The following ZDHHC17 variants were observed in gnomAD, a reference collection of about 807,000 sequenced individuals.
ZDHHC17 encodes zDHHC palmitoyltransferase 17.
A neutral mutation model predicts 90.3 loss-of-function variants in ZDHHC17; 40 were observed. The ratio of observed to expected loss-of-function variants is 0.44; its 90% CI spans 0.34 to 0.58. ZDHHC17 has a LOEUF of 0.58. Ranked by LOEUF, ZDHHC17 falls within the 20% of genes least tolerant of loss-of-function variation. The pLI is 0.01. For synonymous variants in ZDHHC17, 235 were observed against 252.4 expected (o/e 0.93, Z 0.65); for missense variants, 614 against 780.8 (o/e 0.79, Z 2.55).
intron 1 of ZDHHC17, among the ~76,000 whole-genome samples, chr12:76,787,392 G>A (rs1952700100): frequency 6.6e-6 from 1 of 152,024 alleles, no homozygotes; most frequent in Non-Finnish European, 1.5e-5. Flanking sequence ...CCAATCAAGT[G>A]GGCATTTTTA....
chr12:76,826,923 G>T lies in ZDHHC17; in HGVS notation c.913G>T (p.Val305Leu), dbSNP rs769845739. ...LKADKEFRQKVMLGTPFLVIW... is the reference protein window; with the variant it reads ...LKADKEFRQKLMLGTPFLVIW... The stretch of plus-strand genomic sequence containing the variant: ...TTCTATACAGGAATTTCGGCAGAAA[G>T]TAATGTTAGGAACTCCTTTCCTAGT... The change falls in exon 9 of 17, where the codon GTA becomes TTA. Residue 305 changes from valine (V) to leucine (L), a missense_variant. Coordinates refer to ENST00000426126, the MANE Select transcript of ZDHHC17 (RefSeq NM_015336.4). 2 of 1,510,952 alleles carry T rather than the reference G, an allele frequency of 1.3e-6. No individual in the cohort carries two copies. The highest frequency in any genetic ancestry group is 5.3e-5 in the East Asian group (2 of 38,020). 93.6% of individuals were successfully genotyped at this position (1,510,952 alleles called of 1,614,324 possible). A position where few individuals can be genotyped will look rare whatever the true frequency, so the allele number is the denominator to read the frequency against.
chr12:76,820,091 C>T (rs532753234), intron 7 of ZDHHC17, among the ~76,000 whole-genome samples: 1 of 151,908 alleles, frequency 6.6e-6, no homozygotes, highest in South Asian at 2.1e-4. Context: ...GCTGTATACC[C>T]TAGGTTTTTT....
chr12:76,808,651 G>C (rs986218728), intron 3 of ZDHHC17, among the ~76,000 whole-genome samples: 2 of 152,114 alleles, frequency 1.3e-5, no homozygotes, highest in Admixed American at 6.5e-5. Flanking sequence ...GTAATCTTAA[G>C]GAAAGTAAGG....
chr12:76,781,770 A>C (rs1288468326), intron 1 of ZDHHC17: 1 of 438,584 alleles, frequency 2.3e-6, no homozygotes, highest in Non-Finnish European at 4.6e-6. Context: ...CAGTAGGAGA[A>C]TATATCTGGC....
chr12:76,838,250 A>G (rs1231622750), intron 10 of ZDHHC17, among the ~76,000 whole-genome samples: 9 of 151,898 alleles, frequency 5.9e-5, no homozygotes, highest in Admixed American at 5.3e-4. Flanking sequence ...TGCTTTCCAT[A>G]CTGGGTTATT....
intron 10 of ZDHHC17, among the ~76,000 whole-genome samples, chr12:76,833,306 G>C (rs1029865413): frequency 6.6e-6 from 1 of 152,216 alleles, no homozygotes; most frequent in African/African-American, 2.4e-5. Context: ...GAAAGACTGA[G>C]GCTCTGAGAA....
intron 1 of ZDHHC17, among the ~76,000 whole-genome samples, chr12:76,777,824 T>C (rs1001314719): frequency 6.6e-6 from 1 of 152,068 alleles, no homozygotes; most frequent in South Asian, 2.1e-4. Context: ...CTGAGTTAGG[T>C]TTGTGCGTGT....
At chr12:76,823,370 T>A (rs1403909951) in intron 8 of ZDHHC17, among the ~76,000 whole-genome samples, 1 of 152,254 alleles carries the variant, frequency 6.6e-6, no homozygotes, top group Non-Finnish European at 1.5e-5. Context: ...TCCATATACC[T>A]TCAGTTTTAA....
intron 1 of ZDHHC17, among the ~76,000 whole-genome samples, chr12:76,774,905 C>T (rs765176653): frequency 2.0e-5 from 3 of 152,210 alleles, no homozygotes; most frequent in African/African-American, 4.8e-5. Flanking sequence ...CATGTGGCAT[C>T]TTTGTGATTA....
At chr12:76,824,611 A>C (rs1250153450) in intron 8 of ZDHHC17, among the ~76,000 whole-genome samples, 2 of 152,170 alleles carry the variant, frequency 1.3e-5, no homozygotes, top group Non-Finnish European at 2.9e-5. Flanking sequence ...TTAAAAAGTC[A>C]TTCCCTTAAG....
chr12:76,789,782 A>C (rs1185683201), intron 1 of ZDHHC17, among the ~76,000 whole-genome samples: 3 of 152,214 alleles, frequency 2.0e-5, no homozygotes, highest in African/African-American at 7.2e-5. Context: ...TAATGAGAAA[A>C]ACGTCAAAGA....
intron 9 of ZDHHC17, among the ~76,000 whole-genome samples, chr12:76,827,675 A>G (rs766759383): frequency 1.3e-5 from 2 of 152,056 alleles, no homozygotes; most frequent in African/African-American, 2.4e-5. Context: ...CTTGCATTTC[A>G]GAAAAGAATT....
At chr12:76,779,941 ATTG>A (rs1047487754) in intron 1 of ZDHHC17, among the ~76,000 whole-genome samples, 10 of 151,242 alleles carry the variant, frequency 6.6e-5, no homozygotes. Context: ...TTGCTTTTAC[ATTG>A]TTGTAAAAAA....
intron 2 of ZDHHC17, among the ~76,000 whole-genome samples, chr12:76,803,287 T>C (rs765637097): frequency 6.6e-6 from 1 of 152,148 alleles, no homozygotes; most frequent in Non-Finnish European, 1.5e-5. Context: ...AGATATTTAT[T>C]ATAAAATAGG....
chr12:76,769,962 C>T (rs571630335), intron 1 of ZDHHC17, among the ~76,000 whole-genome samples: 2 of 152,050 alleles, frequency 1.3e-5, no homozygotes. Context: ...TAAGAGTGGA[C>T]TGTGGAGTTG....
intron 10 of ZDHHC17, chr12:76,840,876 C>G (rs768250188): frequency 6.6e-6 from 1 of 152,102 alleles, no homozygotes; most frequent in Admixed American, 6.6e-5. Flanking sequence ...TTACATGTTA[C>G]GTTGGCACCT....
Position 76,801,341 on chromosome 12 carries a change from T to G in ZDHHC17, c.197+3804T>G, listed in dbSNP as rs562182305. ...TATAGCTACTTTTCTTTGCGGATAC[T>G]ATGGATATTACATTTAACATCCTAA... is the stretch of plus-strand genomic sequence containing the variant. On this transcript the variant is annotated intron_variant, in intron 2 of 16. Transcript: ENST00000426126. Among the ~76,000 whole-genome samples the G allele has an allele frequency of 4.6e-5, 7 of 152,066 alleles. No homozygotes were observed. The South Asian group carries it at 1.5e-3, about 32-fold the overall frequency.
Position 76,845,734 on chromosome 12 carries a change from A to G in ZDHHC17, c.1355A>G (p.His452Arg). 6.2e-7 allele frequency: 1 copy of G among 1,610,990 alleles called. No homozygotes were observed. Among genetic ancestry groups the G allele is most frequent in the Non-Finnish European group, 8.5e-7 (1 of 1,177,970 alleles). ...ATACGAAAACCGGTGAGGTCCAAAC[A>G]TTGTGGTGTGTGCAACCGCTGTATA... is the stretch of plus-strand genomic sequence containing the variant. ...CLIRKPVRSK[H>R]CGVCNRCIAK... is the part of the protein sequence containing the mutation. Residue 452 changes from histidine (H) to arginine (R), a missense_variant, in exon 13 of 17, where the codon CAT (histidine) becomes CGT (arginine). By Grantham distance (29) the His-to-Arg change is conservative. This residue lies in a region of ZDHHC17 where 117 missense variants were observed against 183.6 expected (regional missense o/e 0.64). Coordinates refer to ENST00000426126, the MANE Select transcript of ZDHHC17 (RefSeq NM_015336.4).
At chr12:76,840,335 A>G (rs1953417903) in intron 10 of ZDHHC17, 1 of 147,202 alleles carries the variant, frequency 6.8e-6, no homozygotes, top group Non-Finnish European at 1.5e-5. Context: ...GCCTATTTCC[A>G]TTAATTTTTT....
Sources: allele counts gnomAD v4.1 joint callset (sites outside exome capture counted in the v4.1 genomes callset), GRCh38; gene constraint gnomAD v4.1.1; regional missense constraint gnomAD v4.1.1; transcripts MANE v1.5; gene names NCBI Gene and HGNC (gene_info 2026-07-23, HGNC 2026-07-21).